The following ETV4 variants were observed in gnomAD, a reference collection of about 807,000 sequenced individuals.
ETV4 encodes the protein ETS translocation variant 4.
Under a neutral mutation model 65.9 loss-of-function variants are expected in ETV4, and 42 were observed. The ratio of observed to expected loss-of-function variants is 0.64; its 90% confidence interval spans 0.50 to 0.82. ETV4 has a LOEUF of 0.82. Ranked by LOEUF, ETV4 falls within the 40% of genes least tolerant of loss-of-function variation. The pLI, the probability that ETV4 is intolerant of heterozygous loss-of-function variation, is 0.00. For missense variants in ETV4, 583 were observed against 630.3 expected, an observed-to-expected ratio of 0.92 and a Z score of 0.80; for synonymous variants, 238 against 260.0, an observed-to-expected ratio of 0.92 and a Z score of 0.81.
In ETV4 at chr17:43,543,774, C is replaced by T. The variant is rs1212784747; in HGVS notation, c.202+1201G>A. 2.0e-5 allele frequency: 3 copies of T among 152,324 alleles called. No homozygotes were observed. In the East Asian group the frequency reaches 5.8e-4, roughly 29 times the overall value. The allele number at this position is 152,324 out of a possible 1,614,324, so 9.4% of individuals were successfully genotyped here. A position where few individuals can be genotyped will look rare whatever the true frequency, so the allele number is the denominator to read the frequency against. ...CCAGATCCCTCCAGCACTCACACAG[C>T]CATTCAGCCATTATTTCCACAAAAT... is the stretch of plus-strand genomic sequence containing the variant. On this transcript the variant is annotated intron_variant, in intron 4 of 12. Coordinates refer to ENST00000319349, the MANE Select transcript of ETV4 (RefSeq NM_001079675.5).
chr17:43,545,235 G>GTGTGTGTGTGTGTGTGTGT, intron 3 of ETV4, 39 bp downstream of exon 3: 2 of 1,227,416 alleles, frequency 1.6e-6, no homozygotes, highest in African/African-American at 1.6e-5. Flanking sequence ...GTGTGTGTGT[G>GTGTGTGTGTGTGTGTGTGT]GCGGAGGAGG....
intron 12 of ETV4, 46 bp downstream of exon 12, chr17:43,529,089 C>A (rs988391364): frequency 3.8e-6 from 6 of 1,581,070 alleles, no homozygotes; most frequent in Non-Finnish European, 5.2e-6. Context: ...CAGCTTCTCA[C>A]AGCCACTGCC....
chr17:43,536,092 C>G (rs1971229799), intron 5 of ETV4, among the ~76,000 whole-genome samples: 1 of 151,842 alleles, frequency 6.6e-6, no homozygotes, highest in African/African-American at 2.4e-5. Context: ...GCCTGGGTGA[C>G]AGAGCAAGAC....
intron 4 of ETV4, among the ~76,000 whole-genome samples, chr17:43,542,258 C>A (rs1156504649): frequency 6.6e-6 from 1 of 152,110 alleles, no homozygotes; most frequent in Non-Finnish European, 1.5e-5. Flanking sequence ...GCACTTCCAG[C>A]AATTTTACAC....
In ETV4 at chr17:43,532,751, C is replaced by A. The variant is rs1454278809; in HGVS notation, c.734G>T (p.Gly245Val). Residue 245 changes from glycine to valine, a missense_variant, in exon 8 of 13, where the codon GGT becomes GTT. Gly to Val is a moderately radical substitution (Grantham distance 109). Coordinates refer to ENST00000319349, the MANE Select transcript of ETV4 (RefSeq NM_001079675.5). Reference sequence around the variant, plus strand: ...TGGGTACCTGTGCCCATTGACCCCACCCTGGTCCACGGCTGGCTGGCCCGC... The same window carrying A: ...TGGGTACCTGTGCCCATTGACCCCAACCTGGTCCACGGCTGGCTGGCCCGC... ...EQAGQPAVDQ[G>V]GVNGHRYPGA... is the part of the protein sequence containing the mutation. The A allele has an allele frequency of 1.9e-6, 3 of 1,613,978 alleles. No homozygotes were observed. The highest frequency in any genetic ancestry group is 1.7e-5 in the Admixed American group (1 of 59,990).
intron 8 of ETV4, 138 bp from the exon 9 acceptor site, chr17:43,530,319 T>C: frequency 6.7e-7 from 1 of 1,482,948 alleles, no homozygotes; most frequent in Non-Finnish European, 9.0e-7. Flanking sequence ...CCAGGTTGCC[T>C]GCCAACCACA....
chr17:43,530,416 G>A (rs1311128907), intron 8 of ETV4: 2 of 1,411,834 alleles, frequency 1.4e-6, no homozygotes, highest in East Asian at 2.6e-5. Flanking sequence ...ATGGAAGGCA[G>A]CAGCGGGGGC....
intron 3 of ETV4, 107 bp downstream of exon 3, chr17:43,545,167 G>A (rs993023920): frequency 2.3e-5 from 29 of 1,264,944 alleles, no homozygotes; most frequent in Non-Finnish European, 2.9e-5. Flanking sequence ...GTTTTTTGGG[G>A]AAACAGGCGG....
At chr17:43,535,908 C>G (rs946099130) in intron 5 of ETV4, among the ~76,000 whole-genome samples, 1 of 152,156 alleles carries the variant, frequency 6.6e-6, no homozygotes, top group Non-Finnish European at 1.5e-5. Context: ...GTCAGGAATT[C>G]GAGACCATCC....
At chr17:43,545,912 C>G in intron 1 of ETV4, 1 of 549,072 alleles carries the variant, frequency 1.8e-6, no homozygotes, top group Non-Finnish European at 3.3e-6. Flanking sequence ...CCCTGCTTTA[C>G]CCGGGCTCGG....
At chr17:43,544,619 C>G (rs1031540671) in intron 4 of ETV4, among the ~76,000 whole-genome samples, 2 of 152,086 alleles carry the variant, frequency 1.3e-5, no homozygotes, top group African/African-American at 2.4e-5. Flanking sequence ...CCAACATGCA[C>G]CTTGGCCTGG....
In ETV4 at chr17:43,529,582, C is replaced by T; in HGVS notation, c.1050G>A (p.Leu350=). 6.2e-7 allele frequency: 1 copy of T among 1,614,134 alleles called. No homozygotes were observed. The highest frequency in any genetic ancestry group is 1.3e-5 in the African/African-American group (1 of 75,030). Residue 350 remains leucine, a synonymous_variant, in exon 11 of 13, where the codon TTG becomes TTA. Transcript: ENST00000319349. The part of the protein sequence containing the change: ...ALQLWQFLVA[L]LDDPTNAHFI... ...AATGGGCATTTGTTGGGTCATCCAGCAAGGCCACCAGAAATTGCCACAGCT... is the reference window on the plus strand; with the variant it reads ...AATGGGCATTTGTTGGGTCATCCAGTAAGGCCACCAGAAATTGCCACAGCT...
chr17:43,528,556 G>A lies in ETV4; in HGVS notation c.1418C>T (p.Ala473Val). ...GCCACCCTTGGGGCCAAATGGCTGG[G>A]CGGGGCCAGCCAGCTCTGGGAGGTA... Reference protein sequence around the residue: ...PAYLPELAGPAQPFGPKGGYS... With the variant: ...PAYLPELAGPVQPFGPKGGYS... Residue 473 changes from alanine to valine, a missense_variant, in exon 13 of 13, where the codon GCC becomes GTC. By Grantham distance (64) the Ala-to-Val change is moderately conservative (BLOSUM62 0). Coordinates refer to ENST00000319349, the MANE Select transcript of ETV4 (RefSeq NM_001079675.5). 1 of 1,613,214 alleles carries A rather than the reference G, an allele frequency of 6.2e-7. No homozygotes were observed. The highest frequency in any genetic ancestry group is 8.5e-7 in the Non-Finnish European group (1 of 1,179,560).
chr17:43,545,248 C>T, intron 3 of ETV4, 26 bp downstream of exon 3: 1 of 1,345,832 alleles, frequency 7.4e-7, no homozygotes, highest in Non-Finnish European at 1.0e-6. Context: ...GGAGGAGGGT[C>T]GCGGTTTGTC....
chr17:43,536,216 A>ATG, intron 5 of ETV4: 1 of 598,772 alleles, frequency 1.7e-6, no homozygotes, highest in Non-Finnish European at 3.0e-6. Context: ...AACCAGAGGG[A>ATG]TAGTGTCTGC....
At chr17:43,541,700 A>G (rs1338639517) in intron 4 of ETV4, among the ~76,000 whole-genome samples, 2 of 152,150 alleles carry the variant, frequency 1.3e-5, no homozygotes, top group East Asian at 3.8e-4. Context: ...TGAAGGGGGT[A>G]GAGGCATTCT....
In ETV4 at chr17:43,527,926, G is replaced by A. The variant is rs1023742527; in HGVS notation, c.*593C>T. On this transcript the variant is annotated 3_prime_UTR_variant, in exon 13 of 13. Coordinates refer to ENST00000319349, the MANE Select transcript of ETV4 (RefSeq NM_001079675.5). ...CAAACCCAGGCCTGGGCCTAGGAAA[G>A]GGCAGAAGAAAGGCAAAGGGTCCCT... The A allele has an allele frequency of 2.1e-5, 5 of 233,076 alleles. No homozygotes were observed. Among genetic ancestry groups the A allele is most frequent in the Non-Finnish European group, 3.4e-5 (4 of 117,776 alleles). The allele number at this position is 233,076 out of a possible 1,614,324, so 14.4% of individuals were successfully genotyped here.
chr17:43,528,707 C>G lies in ETV4; in HGVS notation c.1267G>C (p.Glu423Gln). 1 of 1,614,150 alleles carries G rather than the reference C, an allele frequency of 6.2e-7. No individual in the cohort carries two copies. Among genetic ancestry groups the G allele is most frequent in the Non-Finnish European group, 8.5e-7 (1 of 1,180,024 alleles). Residue 423 changes from glutamate (E) to glutamine (Q), a missense_variant, in exon 13 of 13, where the codon GAG becomes CAG. Coordinates refer to ENST00000319349, the MANE Select transcript of ETV4 (RefSeq NM_001079675.5). ...GCCAAAGAGAAGAGGGCCTCGGGCTCACACACAAACTTGTACACGTAACGC... is the reference window on the plus strand; with the variant it reads ...GCCAAAGAGAAGAGGGCCTCGGGCTGACACACAAACTTGTACACGTAACGC... ...GERYVYKFVC[E>Q]PEALFSLAFP... is the part of the protein sequence containing the mutation.
chr17:43,533,154 G>C (rs749920837), intron 7 of ETV4, 33 bp downstream of exon 7: 5 of 1,608,600 alleles, frequency 3.1e-6, no homozygotes, highest in Non-Finnish European at 4.3e-6. Flanking sequence ...AAACACCTGG[G>C]CCCATGAGCA....
Sources: gnomAD v4.1 joint callset for allele counts (sites outside exome capture counted in the v4.1 genomes callset) on GRCh38, gnomAD v4.1.1 for gene constraint, MANE v1.5 for transcripts, NCBI Gene and HGNC (gene_info 2026-07-23, HGNC 2026-07-21) for gene names.